MCC: variants seen among roughly 807,000 people sequenced by gnomAD.
The protein encoded by MCC is MCC regulator of Wnt signaling pathway, also known as colorectal mutant cancer protein.
A neutral mutation model predicts 116.2 loss-of-function variants in MCC; 90 were observed. That is an observed-to-expected ratio of 0.77 (90% CI 0.65 to 0.92). MCC has a LOEUF of 0.92. Ranked by LOEUF, MCC falls within the 40% of genes least tolerant of loss-of-function variation. The pLI is 0.00. For missense variants in MCC, 1,516 were observed against 1,312.2 expected, an observed-to-expected ratio of 1.16 and a Z score of -2.40; for synonymous variants, 578 against 510.5, an observed-to-expected ratio of 1.13 and a Z score of -1.78.
intron 3 of MCC, among the ~76,000 whole-genome samples, chr5:113,320,095 A>G (rs1337212292): frequency 6.6e-6 from 1 of 152,240 alleles, no homozygotes; most frequent in African/African-American, 2.4e-5. Flanking sequence ...CTTATTTCAA[A>G]GATATTTTAT....
intron 6 of MCC, 142 bp downstream of exon 6, chr5:113,122,540 AGG>A: frequency 1.2e-6 from 1 of 828,368 alleles, no homozygotes; most frequent in Admixed American, 2.8e-5. Context: ...GTAATGTGTA[AGG>A]GACTGAAATA....
intron 3 of MCC, among the ~76,000 whole-genome samples, chr5:113,267,242 G>A (rs1340029833): frequency 6.6e-6 from 1 of 152,006 alleles, no homozygotes; most frequent in South Asian, 2.1e-4. Flanking sequence ...CTCTCATAGA[G>A]GCAACCACTG....
chr5:113,157,071 C>T (rs1279174567), intron 3 of MCC, among the ~76,000 whole-genome samples: 1 of 152,196 alleles, frequency 6.6e-6, no homozygotes, highest in East Asian at 1.9e-4. Context: ...AAAGGCTTCA[C>T]ACTTCATAAG....
intron 3 of MCC, among the ~76,000 whole-genome samples, chr5:113,226,294 G>C (rs1301647564): frequency 6.6e-6 from 1 of 152,250 alleles, no homozygotes; most frequent in Non-Finnish European, 1.5e-5. Flanking sequence ...TGAGGGGCCA[G>C]GATGGGACCA....
In MCC at chr5:113,132,383, C is replaced by T. The variant is rs11749995; in HGVS notation, c.885-9557G>A. On this transcript the variant is annotated intron_variant, in intron 5 of 18. Coordinates refer to ENST00000408903, the MANE Select transcript of MCC (RefSeq NM_001085377.2). ...ATGTGTGTGTGTGTGTATATATATA[C>T]ATACATATATATATACATACATACA... Among the ~76,000 whole-genome samples, 70 of 127,372 alleles carry T rather than the reference C, an allele frequency of 5.5e-4. 1 individual carries two copies. The highest frequency in any genetic ancestry group is 2.0e-3 in the African/African-American group (68 of 33,868). The allele number at this position is 127,372 out of a possible 152,430, so 83.6% of individuals were successfully genotyped here.
chr5:113,195,554 C>T (rs1762361613), intron 3 of MCC, among the ~76,000 whole-genome samples: 1 of 152,088 alleles, frequency 6.6e-6, no homozygotes, highest in Non-Finnish European at 1.5e-5. Context: ...CTCTGGGCCT[C>T]CTGAGATCAC....
At chr5:113,122,195 T>C (rs1208080061) in intron 6 of MCC, among the ~76,000 whole-genome samples, 1 of 152,202 alleles carries the variant, frequency 6.6e-6, no homozygotes, top group Non-Finnish European at 1.5e-5. Context: ...AATATGACTA[T>C]TTCCCAACTC....
intron 11 of MCC, among the ~76,000 whole-genome samples, chr5:113,080,120 T>G (rs370405518): frequency 0.021 from 3,221 of 152,262 alleles, 92 homozygotes; most frequent in African/African-American, 0.066. Flanking sequence ...CTCACACCAG[T>G]TAGAATGGCA....
chr5:113,104,447 G>A (rs1361917561), intron 6 of MCC, 92 bp from the exon 7 acceptor site: 15 of 1,110,010 alleles, frequency 1.4e-5, no homozygotes, highest in Non-Finnish European at 1.8e-5. Flanking sequence ...TAATGGGATG[G>A]CAATGGAGCC....
chr5:113,122,665 C>T lies in MCC; in HGVS notation c.1027+19G>A, dbSNP rs1242774021. On this transcript the variant is annotated intron_variant, in intron 6 of 18. Coordinates refer to ENST00000408903, the MANE Select transcript of MCC (RefSeq NM_001085377.2). Reference sequence around the variant, plus strand: ...CAGAAACCAAACTCTGGCTTGGTGGCAAGGGCAGGCAGACTCACCCATGTC... The same window carrying T: ...CAGAAACCAAACTCTGGCTTGGTGGTAAGGGCAGGCAGACTCACCCATGTC... The T allele has an allele frequency of 6.2e-7, 1 of 1,610,552 alleles. No individual in the cohort carries two copies. The highest frequency in any genetic ancestry group is 8.5e-7 in the Non-Finnish European group (1 of 1,178,362).
At chr5:113,282,576 A>C (rs1204609968) in intron 3 of MCC, among the ~76,000 whole-genome samples, 3 of 152,148 alleles carry the variant, frequency 2.0e-5, no homozygotes, top group Non-Finnish European at 4.4e-5. Context: ...AAATCTACCT[A>C]TTCTAAGCTG....
chr5:113,068,275 G>C (rs1753766289), intron 12 of MCC, 92 bp from the exon 13 acceptor site: 2 of 906,884 alleles, frequency 2.2e-6, no homozygotes, highest in East Asian at 2.6e-5. Flanking sequence ...CAGCTCAGGT[G>C]CTGTCTCGGC....
intron 3 of MCC, 91 bp downstream of exon 3, chr5:113,340,428 C>G (rs1767980323): frequency 9.5e-7 from 1 of 1,052,240 alleles, no homozygotes; most frequent in East Asian, 2.4e-5. Flanking sequence ...AAGACAATAC[C>G]CGATATGTCC....
intron 3 of MCC, among the ~76,000 whole-genome samples, chr5:113,285,972 G>C (rs952391645): frequency 5.3e-5 from 8 of 152,120 alleles, no homozygotes; most frequent in Admixed American, 1.3e-4. Flanking sequence ...AATAGAAAAG[G>C]AGTTAATCCA....
chr5:113,059,431 C>T (rs917437914), intron 14 of MCC, among the ~76,000 whole-genome samples: 6 of 152,278 alleles, frequency 3.9e-5, no homozygotes, highest in East Asian at 1.9e-4. Context: ...AAGGCGCTGG[C>T]GGTCTCCCAA....
At chr5:113,221,213 TAAGAG>T (rs1763540719) in intron 3 of MCC, among the ~76,000 whole-genome samples, 1 of 151,870 alleles carries the variant, frequency 6.6e-6, no homozygotes. Flanking sequence ...TAAAAGAAAA[TAAGAG>T]AAAAGAAGTG....
intron 3 of MCC, among the ~76,000 whole-genome samples, chr5:113,328,913 G>A (rs1028536479): frequency 3.3e-5 from 5 of 152,118 alleles, no homozygotes; most frequent in South Asian, 4.1e-4. Flanking sequence ...GAATGGGTCC[G>A]AAGAACAAAT....
At chr5:113,404,322 A>T (rs1241272488) in intron 1 of MCC, among the ~76,000 whole-genome samples, 1 of 152,222 alleles carries the variant, frequency 6.6e-6, no homozygotes, top group Non-Finnish European at 1.5e-5. Flanking sequence ...ACATAGAGAA[A>T]TAAGTCTGTT....
chr5:113,257,043 C>T (rs1310027777), intron 3 of MCC, among the ~76,000 whole-genome samples: 1 of 152,108 alleles, frequency 6.6e-6, no homozygotes, highest in East Asian at 1.9e-4. Flanking sequence ...TCTCGTTGCA[C>T]CAAGTGGTTG....
Sources: allele counts gnomAD v4.1 joint callset (sites outside exome capture counted in the v4.1 genomes callset), GRCh38; gene constraint gnomAD v4.1.1; transcripts MANE v1.5; gene names NCBI Gene and HGNC (gene_info 2026-07-23, HGNC 2026-07-21).